Variants in ADAMTSL1 observed in about 807,000 individuals in gnomAD.
ADAMTSL1 encodes the protein ADAMTS like 1, also known as ADAMTS-like protein 1.
Under a neutral mutation model 201.8 loss-of-function variants are expected in ADAMTSL1, and 126 were observed. The ratio of observed to expected loss-of-function variants is 0.62; its 90% CI spans 0.54 to 0.72. The LOEUF (loss-of-function observed/expected upper bound fraction) is 0.72. Ranked by LOEUF, ADAMTSL1 falls within the 30% of genes least tolerant of loss-of-function variation. The pLI, the probability that ADAMTSL1 is intolerant of heterozygous loss-of-function variation, is 0.00. For synonymous variants in ADAMTSL1, 1,121 were observed against 903.4 expected, an observed-to-expected ratio of 1.24 and a Z score of -4.32; for missense variants, 2,679 against 2,277.8, an observed-to-expected ratio of 1.18 and a Z score of -3.59.
At chr9:18,056,578 G>C (rs1822196597) in intron 1 of ADAMTSL1, among the ~76,000 whole-genome samples, 1 of 152,128 alleles carries the variant, frequency 6.6e-6, no homozygotes, top group South Asian at 2.1e-4. Context: ...ATATTTCTGT[G>C]GGAGGTAGGG....
chr9:18,752,141 C>T (rs1234236651), intron 15 of ADAMTSL1, among the ~76,000 whole-genome samples: 2 of 150,372 alleles, frequency 1.3e-5, no homozygotes, highest in Admixed American at 6.7e-5. Flanking sequence ...TGCATAAAGA[C>T]ACAACTAGAA....
intron 2 of ADAMTSL1, among the ~76,000 whole-genome samples, chr9:18,286,576 T>TAGTCTC (rs1405672829): frequency 1.6e-5 from 2 of 122,668 alleles, no homozygotes; most frequent in South Asian, 3.3e-4. Context: ...TTTATGGTTT[T>TAGTCTC]CAGATATAAT....
chr9:18,581,553 T>G lies in ADAMTSL1; in HGVS notation c.474+7287T>G, dbSNP rs12684345. Among the ~76,000 whole-genome samples, 1,399 of 152,256 alleles carry G rather than the reference T, an allele frequency of 9.2e-3. 27 individuals carry two copies. Among genetic ancestry groups the G allele is most frequent in the East Asian group, 0.083 (431 of 5,170 alleles). On this transcript the variant is annotated intron_variant, in intron 4 of 28. Coordinates refer to ENST00000380548, the MANE Select transcript of ADAMTSL1 (RefSeq NM_001040272.6). ...CTAAAATATTATCAACTCAGAAAGT[T>G]CCAAATTCTATCAGCTGAATCAGCT...
Position 18,551,895 on chromosome 9 carries a change from A to T in ADAMTSL1, c.237+18603A>T, listed in dbSNP as rs577045763. On this transcript the variant is annotated intron_variant, in intron 3 of 28. Coordinates refer to ENST00000380548, the MANE Select transcript of ADAMTSL1 (RefSeq NM_001040272.6). ...AAGTATGATGCCTTAAAGTAGGTTG[A>T]ACTTCTCTGTAACTTTCTCTTCAAC... Among the ~76,000 whole-genome samples the T allele has an allele frequency of 4.6e-5, 7 of 151,856 alleles. No individual in the cohort carries two copies. The South Asian group carries it at 1.5e-3, about 31-fold the overall frequency.
chr9:18,732,072 G>T (rs1195307672), intron 15 of ADAMTSL1, among the ~76,000 whole-genome samples: 1 of 152,182 alleles, frequency 6.6e-6, no homozygotes, highest in Non-Finnish European at 1.5e-5. Context: ...GGGTTGGTAA[G>T]GATGATCGCA....
intron 1 of ADAMTSL1, among the ~76,000 whole-genome samples, chr9:18,036,141 A>G (rs1052066946): frequency 2.0e-5 from 3 of 152,188 alleles, no homozygotes; most frequent in Non-Finnish European, 2.9e-5. Context: ...CAAGTAAAGA[A>G]TGACAGAAGG....
At chr9:18,405,437 A>T (rs532239735) in intron 2 of ADAMTSL1, among the ~76,000 whole-genome samples, 6 of 152,108 alleles carry the variant, frequency 3.9e-5, no homozygotes, top group Non-Finnish European at 8.8e-5. Flanking sequence ...CACTCTTCCA[A>T]ACCTCTGTGA....
intron 19 of ADAMTSL1, among the ~76,000 whole-genome samples, chr9:18,791,997 C>G (rs985814842): frequency 2.6e-4 from 40 of 152,112 alleles, no homozygotes; most frequent in Non-Finnish European, 5.1e-4. Context: ...AAAACTAACC[C>G]CCACCTAAAA....
At chr9:18,470,241 G>T (rs2131743112), upstream of ADAMTSL1, among the ~76,000 whole-genome samples, 1 of 152,266 alleles carries the variant, frequency 6.6e-6, no homozygotes. Flanking sequence ...TAGAGTTTCT[G>T]TTCATATCAC....
At chr9:18,756,847 A>G (rs10429633) in intron 16 of ADAMTSL1, among the ~76,000 whole-genome samples, 9,796 of 152,288 alleles carry the variant, frequency 0.064, 882 homozygotes, top group African/African-American at 0.2. Flanking sequence ...CCTCATGTGT[A>G]TGTTTCTCTT....
chr9:18,776,036 G>T (rs1475063005), intron 18 of ADAMTSL1, 140 bp downstream of exon 18: 7 of 1,179,574 alleles, frequency 5.9e-6, no homozygotes, highest in Non-Finnish European at 8.1e-6. Flanking sequence ...CTGCAGGCAG[G>T]AGAGCTCAGC....
At chr9:18,625,359 C>T (rs1826298836) in intron 5 of ADAMTSL1, among the ~76,000 whole-genome samples, 1 of 151,830 alleles carries the variant, frequency 6.6e-6, no homozygotes, top group Admixed American at 6.6e-5. Flanking sequence ...TAGAATGTGC[C>T]AGAAGGATAA....
intron 23 of ADAMTSL1, among the ~76,000 whole-genome samples, chr9:18,869,392 C>T (rs1354555293): frequency 1.3e-5 from 2 of 152,222 alleles, no homozygotes; most frequent in South Asian, 2.1e-4. Flanking sequence ...AATTGCAGAG[C>T]TCACCTAGTC....
chr9:18,011,375 C>G (rs1031724488), intron 1 of ADAMTSL1, among the ~76,000 whole-genome samples: 1 of 151,980 alleles, frequency 6.6e-6, no homozygotes, highest in Non-Finnish European at 1.5e-5. Flanking sequence ...GTGGGACAGG[C>G]AAACAAATCT....
intron 3 of ADAMTSL1, among the ~76,000 whole-genome samples, chr9:18,553,210 C>CTTTTTT (rs35874115): frequency 3.5e-4 from 48 of 135,822 alleles, no homozygotes; most frequent in East Asian, 1.1e-3. Flanking sequence ...TAGTCCCAGT[C>CTTTTTT]TTTTTTTTTT....
Position 18,740,580 on chromosome 9 carries a change from G to T in ADAMTSL1, c.2007-12718G>T, listed in dbSNP as rs547574899. Among the ~76,000 whole-genome samples, 3 of 147,776 alleles carry T rather than the reference G, an allele frequency of 2.0e-5. No individual in the cohort carries two copies. The South Asian group carries it at 6.5e-4, about 32-fold the overall frequency. The stretch of plus-strand genomic sequence containing the variant: ...CAGCCTCCACCTCCCCGGTTCCAGC[G>T]ATTCTCCTGCCTCGCCCTCCCAGGT... On this transcript the variant is annotated intron_variant, in intron 15 of 28. Transcript: ENST00000380548.
At chr9:18,556,005 A>G (rs1409372393) in intron 3 of ADAMTSL1, among the ~76,000 whole-genome samples, 1 of 151,108 alleles carries the variant, frequency 6.6e-6, no homozygotes, top group Admixed American at 6.6e-5. Flanking sequence ...TAAAAAAAAT[A>G]CATATAAAAA....
intron 4 of ADAMTSL1, among the ~76,000 whole-genome samples, chr9:18,619,901 A>C (rs1440887777): frequency 6.6e-6 from 1 of 152,156 alleles, no homozygotes; most frequent in African/African-American, 2.4e-5. Flanking sequence ...CTTCAATCCC[A>C]AAAACCACAA....
rs375544968 is a variant in ADAMTSL1 at position 18,041,553 on chromosome 9, C to A, written c.88-122309C>A. Among the ~76,000 whole-genome samples the A allele has an allele frequency of 5.3e-5, 8 of 152,150 alleles. No homozygotes were observed. In the East Asian group the frequency reaches 1.4e-3, roughly 26 times the overall value. On this transcript the variant is annotated intron_variant, in intron 1 of 29. Coordinates refer to the ADAMTSL1 transcript ENST00000680146. ...TGATGATTAAATTATTTGTTTTTGC[C>A]ATAATATGGTTACATAGGCTGGTGG... is the stretch of plus-strand genomic sequence containing the variant.
Sources: allele counts gnomAD v4.1 joint callset (sites outside exome capture counted in the v4.1 genomes callset), GRCh38; gene constraint gnomAD v4.1.1; transcripts MANE v1.5; gene names NCBI Gene and HGNC (gene_info 2026-07-23, HGNC 2026-07-21).